Variants in PTPRN2 observed in about 807,000 individuals in gnomAD.
PTPRN2 encodes receptor-type tyrosine-protein phosphatase N2.
PTPRN2 carries 74 observed loss-of-function variants against 118.8 expected under a neutral mutation model. The observed-to-expected ratio is 0.62, with a 90% CI of 0.52 to 0.76. The LOEUF is 0.76. Ranked by LOEUF, PTPRN2 falls within the 30% of genes least tolerant of loss-of-function variation. The pLI, the probability that PTPRN2 is intolerant of heterozygous loss-of-function variation, is 0.00. For missense variants in PTPRN2, 1,481 were observed against 1,394.4 expected, an observed-to-expected ratio of 1.06 and a Z score of -0.99; for synonymous variants, 641 against 608.0, an observed-to-expected ratio of 1.05 and a Z score of -0.80.
chr7:158,196,450 C>G (rs968143174), intron 4 of PTPRN2, among the ~76,000 whole-genome samples: 5 of 152,186 alleles, frequency 3.3e-5, no homozygotes, highest in African/African-American at 1.2e-4. Flanking sequence ...ACGTTTATAC[C>G]CCATCTAGGG....
chr7:158,096,292 C>CT (rs1585421874), intron 10 of PTPRN2, among the ~76,000 whole-genome samples: 1 of 152,144 alleles, frequency 6.6e-6, no homozygotes, highest in East Asian at 1.9e-4. Flanking sequence ...TGTGGGGCCT[C>CT]TAAGAGCCGG....
chr7:158,006,720 G>A (rs1865464), intron 11 of PTPRN2, among the ~76,000 whole-genome samples: 122,728 of 152,196 alleles, frequency 0.81, 49,892 homozygotes, highest in East Asian at 0.88. Flanking sequence ...TCAGAGGAAG[G>A]TAGGCCCAGG....
intron 2 of PTPRN2, among the ~76,000 whole-genome samples, chr7:158,382,683 A>G (rs117684114): frequency 0.017 from 2,659 of 152,234 alleles, 42 homozygotes; most frequent in Middle Eastern, 0.054. Context: ...AACTGCGCAC[A>G]GGAGGGACAG....
rs1288307652 is a variant in PTPRN2 at position 157,790,113 on chromosome 7, GGT to G, written c.1789-107178_1789-107177del. On this transcript the variant is annotated intron_variant, in intron 12 of 22. Coordinates refer to ENST00000389418, the MANE Select transcript of PTPRN2 (RefSeq NM_002847.5). ...TGTGGTGGTGACATGTGTGTATGGT[GGT>G]GTGTGTGTGGTGTGTGTGTGGTGGG... is the stretch of plus-strand genomic sequence containing the variant. Among the ~76,000 whole-genome samples, 13 of 139,866 alleles carry G rather than the reference GGT, an allele frequency of 9.3e-5. No individual in the cohort carries two copies. In the East Asian group the frequency reaches 1.3e-3, roughly 14 times the overall value. 91.8% of individuals were successfully genotyped at this position (139,866 alleles called of 152,430 possible).
At chr7:158,280,718 C>T (rs1586113666) in intron 3 of PTPRN2, among the ~76,000 whole-genome samples, 1 of 152,188 alleles carries the variant, frequency 6.6e-6, no homozygotes, top group African/African-American at 2.4e-5. Context: ...TGCTGAGGAA[C>T]GTGTTATCAA....
At chr7:157,904,810 A>T (rs1266132793) in intron 11 of PTPRN2, among the ~76,000 whole-genome samples, 1 of 152,196 alleles carries the variant, frequency 6.6e-6, no homozygotes, top group Non-Finnish European at 1.5e-5. Context: ...TGCATCGCGA[A>T]CGCTGCACAA....
At chr7:157,732,093 TTC>T (rs1435969786) in intron 12 of PTPRN2, among the ~76,000 whole-genome samples, 2 of 60,206 alleles carry the variant, frequency 3.3e-5, no homozygotes, top group African/African-American at 1.4e-4. Flanking sequence ...CAGTTACCCT[TTC>T]CCGTCCCACG....
rs75256606 is a variant in PTPRN2, at chr7:158,181,252, A to G, written c.549+11075T>C. Among the ~76,000 whole-genome samples the G allele has an allele frequency of 8.1e-4, 123 of 152,204 alleles. 4 individuals are homozygous for G. The East Asian group carries it at 0.022, about 27-fold the overall frequency. On this transcript the variant is annotated intron_variant, in intron 5 of 22. Transcript: ENST00000389418. Reference sequence around the variant, plus strand: ...TGACGTATCACATTTACTGACTTGCATGTGTTAAACCATCCCTGCATCCCT... The same window carrying G: ...TGACGTATCACATTTACTGACTTGCGTGTGTTAAACCATCCCTGCATCCCT...
At chr7:157,592,255 T>C (rs1801021381) in intron 17 of PTPRN2, among the ~76,000 whole-genome samples, 1 of 152,198 alleles carries the variant, frequency 6.6e-6, no homozygotes, top group Admixed American at 6.5e-5. Context: ...ATTGCAACTA[T>C]CCATAATAAA....
chr7:157,781,407 CCTT>C (rs757102308), intron 12 of PTPRN2, among the ~76,000 whole-genome samples: 44 of 90,222 alleles, frequency 4.9e-4, no homozygotes, highest in Non-Finnish European at 7.3e-4. Context: ...ACATGCGTGC[CCTT>C]CTTCTGGTCC....
chr7:157,722,759 G>T (rs1000147556), intron 12 of PTPRN2, among the ~76,000 whole-genome samples: 7 of 152,128 alleles, frequency 4.6e-5, no homozygotes, highest in African/African-American at 1.7e-4. Flanking sequence ...AGGAGTAGAG[G>T]GCAGCAGGGG....
At chr7:158,494,217 A>G (rs10228005) in intron 1 of PTPRN2, among the ~76,000 whole-genome samples, 41,460 of 152,190 alleles carry the variant, frequency 0.27, 5,815 homozygotes, top group South Asian at 0.38. Flanking sequence ...CCTGTACCAC[A>G]TGCACCTGCT....
In PTPRN2 at chr7:157,619,322, C is replaced by T. The variant is rs1055215032; in HGVS notation, c.2344+2040G>A. Among the ~76,000 whole-genome samples the T allele has an allele frequency of 6.6e-6, 1 of 152,178 alleles. No homozygotes were observed. Among genetic ancestry groups the T allele is most frequent in the African/African-American group, 2.4e-5 (1 of 41,446 alleles). On this transcript the variant is annotated intron_variant, in intron 15 of 22. Transcript: ENST00000389418. This position sits in a 1 kb window ranked among gnomAD's most constrained non-coding sequence, Gnocchi z 5.3. ...CACAGAGACATATAATGCACGCTTACTGCATGGCTATTTACCACGAACCAT... is the reference window on the plus strand; with the variant it reads ...CACAGAGACATATAATGCACGCTTATTGCATGGCTATTTACCACGAACCAT...
chr7:157,621,638 A>G (rs1563273928), intron 14 of PTPRN2, 129 bp from the exon 15 acceptor site: 4 of 1,193,082 alleles, frequency 3.4e-6, no homozygotes, highest in Non-Finnish European at 1.2e-6. Flanking sequence ...AGCCTGGGCC[A>G]TGGTGCGACG....
At chr7:158,436,418 A>C (rs55788342) in intron 2 of PTPRN2, among the ~76,000 whole-genome samples, 8 of 136,992 alleles carry the variant, frequency 5.8e-5, no homozygotes. Flanking sequence ...TCATCTGTTG[A>C]TGGAGTCTCT....
At chr7:158,547,991 G>A (rs192279041) in intron 1 of PTPRN2, among the ~76,000 whole-genome samples, 30 of 152,330 alleles carry the variant, frequency 2.0e-4, no homozygotes, top group African/African-American at 5.8e-4. Context: ...AGGGGTGGCC[G>A]AGGACCTGGA....
chr7:157,555,131 G>C (rs1039459179), intron 21 of PTPRN2, among the ~76,000 whole-genome samples: 2 of 152,232 alleles, frequency 1.3e-5, no homozygotes, highest in African/African-American at 2.4e-5. Flanking sequence ...TGCTCCGCTG[G>C]CACCCGAATG....
chr7:158,331,921 C>A (rs1804541671), intron 2 of PTPRN2, among the ~76,000 whole-genome samples: 2 of 148,170 alleles, frequency 1.3e-5, no homozygotes, highest in South Asian at 2.1e-4. Context: ...AGAGCTGACG[C>A]CCGCAGATGT....
chr7:158,098,091 G>A (rs1172213471), intron 10 of PTPRN2, among the ~76,000 whole-genome samples: 1 of 152,182 alleles, frequency 6.6e-6, no homozygotes, highest in Non-Finnish European at 1.5e-5. Flanking sequence ...TGCTGGGCCC[G>A]GGTGAGGCAC....
Sources: gnomAD v4.1 joint callset for allele counts (sites outside exome capture counted in the v4.1 genomes callset) on GRCh38, gnomAD v4.1.1 for gene constraint, Gnocchi (gnomAD v3.1) non-coding constraint, MANE v1.5 for transcripts, NCBI Gene and HGNC (gene_info 2026-07-23, HGNC 2026-07-21) for gene names.